TMEM116: variants seen among roughly 807,000 people sequenced by gnomAD.
The protein encoded by TMEM116 is transmembrane protein 116.
TMEM116 carries 38 observed loss-of-function variants against 44.3 expected under a neutral mutation model. The observed-to-expected ratio is 0.86, with a 90% CI of 0.66 to 1.12. The LOEUF (loss-of-function observed/expected upper bound fraction) is 1.12, where lower values mean the gene tolerates loss of function less well. Ranked by LOEUF, TMEM116 falls within the 50% of genes most tolerant of loss-of-function variation. The pLI, the probability that TMEM116 is intolerant of heterozygous loss-of-function variation, is 0.00. For missense variants in TMEM116, 354 were observed against 401.7 expected, an observed-to-expected ratio of 0.88 and a Z score of 1.01; for synonymous variants, 132 against 144.8, an observed-to-expected ratio of 0.91 and a Z score of 0.64.
At chr12:111,960,068 C>T (rs901684361) in intron 4 of TMEM116, among the ~76,000 whole-genome samples, 2 of 152,220 alleles carry the variant, frequency 1.3e-5, no homozygotes, top group African/African-American at 4.8e-5. Context: ...CACCACATTG[C>T]ATTTATTCTA....
At chr12:111,954,459 A>G (rs2073949215) in intron 4 of TMEM116, among the ~76,000 whole-genome samples, 1 of 152,202 alleles carries the variant, frequency 6.6e-6, no homozygotes, top group South Asian at 2.1e-4. Flanking sequence ...AAACAGAACA[A>G]TAATAGTTTA....
At chr12:111,939,270 T>C (rs1225031810) in intron 5 of TMEM116, among the ~76,000 whole-genome samples, 5 of 151,914 alleles carry the variant, frequency 3.3e-5, no homozygotes, top group African/African-American at 1.2e-4. Flanking sequence ...TGGGCCAACA[T>C]AGTGAAACCC....
intron 4 of TMEM116, among the ~76,000 whole-genome samples, chr12:111,970,279 A>G (rs560838560): frequency 2.6e-5 from 4 of 150,964 alleles, no homozygotes; most frequent in South Asian, 2.1e-4. Context: ...GCATGACTCC[A>G]TCTCCAAAAA....
At chr12:111,999,776 A>G (rs1008993470) in intron 3 of TMEM116, among the ~76,000 whole-genome samples, 1 of 152,182 alleles carries the variant, frequency 6.6e-6, no homozygotes, top group African/African-American at 2.4e-5. Flanking sequence ...AAGACAACCT[A>G]TCCAGCATGA....
intron 4 of TMEM116, among the ~76,000 whole-genome samples, chr12:111,961,013 A>C (rs2074553775): frequency 6.6e-6 from 1 of 152,216 alleles, no homozygotes; most frequent in South Asian, 2.1e-4. Context: ...TCCCACAGAA[A>C]TACAAACTAC....
intron 1 of TMEM116, chr12:112,011,881 T>C (rs1036446555): frequency 6.6e-6 from 1 of 152,166 alleles, no homozygotes; most frequent in African/African-American, 2.4e-5. Context: ...CTACTTATTG[T>C]AGAGACGAGG....
chr12:112,009,744 G>A (rs2136756589), intron 1 of TMEM116, among the ~76,000 whole-genome samples: 1 of 151,774 alleles, frequency 6.6e-6, no homozygotes, highest in East Asian at 1.9e-4. Flanking sequence ...TACTCAGGAG[G>A]CTGAGGTAGG....
chr12:111,938,643 G>A (rs2072388122), intron 5 of TMEM116, among the ~76,000 whole-genome samples: 1 of 152,156 alleles, frequency 6.6e-6, no homozygotes, highest in Non-Finnish European at 1.5e-5. Flanking sequence ...CTTCTTATAA[G>A]ACGACCAGTA....
chr12:111,975,149 A>T (rs1565925690), intron 4 of TMEM116, among the ~76,000 whole-genome samples: 1 of 152,166 alleles, frequency 6.6e-6, no homozygotes, highest in Non-Finnish European at 1.5e-5. Context: ...CTGACAAGCG[A>T]TATCTGTTTT....
chr12:111,948,561 G>C (rs553249567), intron 4 of TMEM116, among the ~76,000 whole-genome samples: 10 of 152,116 alleles, frequency 6.6e-5, no homozygotes, highest in Non-Finnish European at 1.0e-4. Context: ...TGCATACCTA[G>C]AGCATCTCAA....
At chr12:111,990,701 T>C (rs1441099283) in intron 4 of TMEM116, among the ~76,000 whole-genome samples, 4 of 152,186 alleles carry the variant, frequency 2.6e-5, no homozygotes, top group South Asian at 4.1e-4. Context: ...CTCAGAAATA[T>C]AGAAGCAGTA....
chr12:111,961,739 A>AGT (rs1277856267), intron 4 of TMEM116, among the ~76,000 whole-genome samples: 5 of 152,216 alleles, frequency 3.3e-5, no homozygotes, highest in African/African-American at 1.2e-4. Context: ...AACTGGAAGC[A>AGT]TTCCCTTTGA....
Position 111,969,189 on chromosome 12 carries a change from G to T in TMEM116, c.210+22569C>A, listed in dbSNP as rs577987390. ...TATAAAATTAGCCGGGCACGGTGGT[G>T]CATGCCTGTAATCCCAGCTACTCGG... On this transcript the variant is annotated intron_variant, in intron 4 of 10. Coordinates refer to ENST00000552374, the MANE Select transcript of TMEM116 (RefSeq NM_001193531.2). Among the ~76,000 whole-genome samples, 3 of 150,920 alleles carry T rather than the reference G, an allele frequency of 2.0e-5. No individual in the cohort carries two copies. In the East Asian group the frequency reaches 6.0e-4, roughly 30 times the overall value.
chr12:111,940,531 A>ATATATATACACACATATATATGTG (rs1565874089), intron 5 of TMEM116, among the ~76,000 whole-genome samples: 12 of 116,660 alleles, frequency 1.0e-4, no homozygotes, highest in African/African-American at 5.4e-4. Flanking sequence ...GTGTATATAT[A>ATATATATACACACATATATATGTG]TATATATATA....
chr12:111,937,008 A>G (rs2072220495), intron 7 of TMEM116, 152 bp downstream of exon 7: 4 of 974,798 alleles, frequency 4.1e-6, no homozygotes, highest in East Asian at 5.2e-5. Flanking sequence ...TTTTACTTAT[A>G]TATTTTCAGC....
chr12:111,994,224 AAC>A (rs2076795567), intron 3 of TMEM116, among the ~76,000 whole-genome samples: 2 of 152,244 alleles, frequency 1.3e-5, no homozygotes, highest in Admixed American at 1.3e-4. Context: ...TATTGAAATA[AAC>A]CCAACTCTTC....
intron 7 of TMEM116, 31 bp downstream of exon 7, chr12:111,937,129 C>A: frequency 6.4e-7 from 1 of 1,564,954 alleles, no homozygotes; most frequent in Non-Finnish European, 8.8e-7. Flanking sequence ...TGTAGTCTGC[C>A]ATGAAAATTA....
At chr12:112,007,880 C>G (rs2077662769) in intron 1 of TMEM116, among the ~76,000 whole-genome samples, 1 of 152,246 alleles carries the variant, frequency 6.6e-6, no homozygotes, top group African/African-American at 2.4e-5. Context: ...GTTTTTCTAT[C>G]AAAATTAATC....
chr12:111,933,482 C>T (rs2071827647), intron 9 of TMEM116, among the ~76,000 whole-genome samples: 1 of 150,442 alleles, frequency 6.6e-6, no homozygotes, highest in Non-Finnish European at 1.5e-5. Flanking sequence ...AATTTGCAGC[C>T]ATCCTTCTTT....
Sources: gnomAD v4.1 joint callset for allele counts (sites outside exome capture counted in the v4.1 genomes callset) on GRCh38, gnomAD v4.1.1 for gene constraint, MANE v1.5 for transcripts, NCBI Gene and HGNC (gene_info 2026-07-23, HGNC 2026-07-21) for gene names.